Variants in GNG7 observed in about 807,000 individuals in gnomAD.
The protein encoded by GNG7 is guanine nucleotide-binding protein G(I)/G(S)/G(O) subunit gamma-7.
GNG7 carries 1 observed loss-of-function variant against 4.0 expected under a neutral mutation model. The ratio of observed to expected loss-of-function variants is 0.25; its 90% CI spans 0.09 to 1.18. The LOEUF is 1.18. Among genes scored for constraint, GNG7 ranks in the 50% most tolerant of loss-of-function variants. The pLI is 0.50. For missense variants in GNG7, 86 were observed against 91.9 expected (o/e 0.94, Z 0.26); for synonymous variants, 34 against 36.9 (o/e 0.92, Z 0.29).
At chr19:2,568,176 T>TAC (rs1371794062) in intron 2 of GNG7, among the ~76,000 whole-genome samples, 1 of 141,366 alleles carries the variant, frequency 7.1e-6, no homozygotes, top group East Asian at 2.1e-4. Context: ...TACACACACA[T>TAC]ACACACATGC....
At chr19:2,642,522 C>T (rs1263194103) in intron 2 of GNG7, 3 of 351,232 alleles carry the variant, frequency 8.5e-6, no homozygotes, top group Non-Finnish European at 1.7e-5. Flanking sequence ...TGCACCACCA[C>T]GCCTGGCTAA....
intron 1 of GNG7, among the ~76,000 whole-genome samples, chr19:2,658,150 T>A (rs906598981): frequency 3.3e-5 from 5 of 151,984 alleles, no homozygotes; most frequent in African/African-American, 1.2e-4. Context: ...ATTTCTACGA[T>A]CTCTCGTCTC....
At position 2,649,996 on chromosome 19, in the gene GNG7, G is replaced by A. The variant is rs534742839; in HGVS notation, c.-134-3716C>T. On this transcript the variant is annotated intron_variant, in intron 1 of 4. Transcript: ENST00000382159. ...TCTGGTGTCTCTCACTGAGTGTGAC[G>A]TCCTCAAGGTGCATCCATGCTGTGA... Among the ~76,000 whole-genome samples the A allele has an allele frequency of 1.8e-3, 268 of 152,024 alleles. 1 individual carries two copies. Among genetic ancestry groups the A allele is most frequent in the Admixed American group, 5.3e-3 (81 of 15,254 alleles).
At chr19:2,562,814 A>G (rs1012013347) in intron 2 of GNG7, among the ~76,000 whole-genome samples, 1 of 151,860 alleles carries the variant, frequency 6.6e-6, no homozygotes, top group Non-Finnish European at 1.5e-5. Flanking sequence ...TGAAATCCAC[A>G]CTCTGAGTGG....
At chr19:2,670,136 C>T (rs1216098865) in intron 1 of GNG7, among the ~76,000 whole-genome samples, 1 of 152,186 alleles carries the variant, frequency 6.6e-6, no homozygotes, top group Non-Finnish European at 1.5e-5. Flanking sequence ...GTCTCTCTCT[C>T]TCTCTGAGTG....
In GNG7 at chr19:2,546,014, C is replaced by T. The variant is rs1568238184; in HGVS notation, c.-38+9135G>A. On this transcript the variant is annotated intron_variant, in intron 3 of 4. Transcript: ENST00000382159. The surrounding 1 kb of genome is among the most constrained non-coding windows in gnomAD (Gnocchi z 6.3). ...GAAAAAGAAAGGTGCACACAGCTTC[C>T]AGAGCGGACACAGGGCATCAGGGTG... Among the ~76,000 whole-genome samples, 1 of 152,128 alleles carries T rather than the reference C, an allele frequency of 6.6e-6. No homozygotes were observed. Among genetic ancestry groups the T allele is most frequent in the Non-Finnish European group, 1.5e-5 (1 of 68,010 alleles).
chr19:2,674,453 T>A (rs561923049), intron 1 of GNG7, among the ~76,000 whole-genome samples: 45 of 149,700 alleles, frequency 3.0e-4, no homozygotes, highest in African/African-American at 8.4e-4. Flanking sequence ...TGTTTTTTTT[T>A]GAGACAGAGT....
At chr19:2,572,597 CTT>C (rs372886442) in intron 2 of GNG7, among the ~76,000 whole-genome samples, 144 of 132,798 alleles carry the variant, frequency 1.1e-3, no homozygotes, top group Non-Finnish European at 1.6e-3. Context: ...GCGCCCGGCC[CTT>C]TTTTTTTTTT....
At position 2,532,641 on chromosome 19, in the gene GNG7, C is replaced by G. The variant is rs185090538; in HGVS notation, c.-37-11916G>C. 1.2e-3 allele frequency among the ~76,000 whole-genome samples: 175 copies of G among 152,148 alleles called. 3 individuals carry two copies. The highest frequency in any genetic ancestry group is 4.1e-3 in the African/African-American group (171 of 41,502). On this transcript the variant is annotated intron_variant, in intron 3 of 4. Transcript: ENST00000382159. ...ATTTCAGAATCCCTAGAACCTCAGGCAAAAGAAATGTCCTAAAAAGTGGCA... is the reference window on the plus strand; with the variant it reads ...ATTTCAGAATCCCTAGAACCTCAGGGAAAAGAAATGTCCTAAAAAGTGGCA...
chr19:2,615,873 G>A (rs1370030567), intron 2 of GNG7, among the ~76,000 whole-genome samples: 1 of 152,212 alleles, frequency 6.6e-6, no homozygotes, highest in African/African-American at 2.4e-5. Flanking sequence ...GGTTCCCTAA[G>A]ATTGTGCACC....
At chr19:2,639,693 GCA>G (rs1982433374) in intron 2 of GNG7, among the ~76,000 whole-genome samples, 1 of 11,666 alleles carries the variant, frequency 8.6e-5, no homozygotes, top group Admixed American at 7.6e-4. Context: ...AGGGAGGGAG[GCA>G]GGGAGTGGGG....
At chr19:2,564,003 G>A (rs905264561) in intron 2 of GNG7, among the ~76,000 whole-genome samples, 1 of 152,108 alleles carries the variant, frequency 6.6e-6, no homozygotes, top group Non-Finnish European at 1.5e-5. Context: ...GAAACAGCAG[G>A]GAAAAATCAA....
chr19:2,682,066 C>A (rs555207906), intron 1 of GNG7, among the ~76,000 whole-genome samples: 1 of 152,072 alleles, frequency 6.6e-6, no homozygotes, highest in Non-Finnish European at 1.5e-5. Context: ...CGCGCCACCA[C>A]GCCCGGCTAA....
intron 3 of GNG7, among the ~76,000 whole-genome samples, chr19:2,550,198 T>A (rs964047622): frequency 2.6e-5 from 4 of 152,142 alleles, no homozygotes; most frequent in African/African-American, 9.7e-5. Context: ...CACTCTCTCA[T>A]CCAGCCCCCG....
chr19:2,682,440 G>A (rs1011105480), intron 1 of GNG7, among the ~76,000 whole-genome samples: 13 of 150,674 alleles, frequency 8.6e-5, no homozygotes, highest in South Asian at 2.1e-4. Flanking sequence ...CAAGGCGGGC[G>A]GATCACGAGG....
chr19:2,696,644 G>T (rs1207707598), intron 1 of GNG7, among the ~76,000 whole-genome samples: 1 of 152,236 alleles, frequency 6.6e-6, no homozygotes, highest in African/African-American at 2.4e-5. Context: ...AAGGGTCGAG[G>T]CTCTGACGCA....
chr19:2,531,122 A>G (rs1978568035), intron 3 of GNG7, among the ~76,000 whole-genome samples: 1 of 152,092 alleles, frequency 6.6e-6, no homozygotes, highest in South Asian at 2.1e-4. Flanking sequence ...CCTGGTCAAC[A>G]TGGTGAAACC....
intron 2 of GNG7, among the ~76,000 whole-genome samples, chr19:2,635,862 TG>T (rs1982293934): frequency 6.6e-6 from 1 of 151,924 alleles, no homozygotes; most frequent in South Asian, 2.1e-4. Flanking sequence ...GGATTACAGG[TG>T]TGAGCCACCG....
chr19:2,613,934 G>T (rs950263882), intron 2 of GNG7, among the ~76,000 whole-genome samples: 1 of 152,188 alleles, frequency 6.6e-6, no homozygotes, highest in African/African-American at 2.4e-5. Flanking sequence ...TGAGAAAGGT[G>T]CGAATCAGAC....
Sources: allele counts gnomAD v4.1 joint callset (sites outside exome capture counted in the v4.1 genomes callset), GRCh38; gene constraint gnomAD v4.1.1; non-coding constraint Gnocchi (gnomAD v3.1); transcripts MANE v1.5; gene names NCBI Gene and HGNC (gene_info 2026-07-23, HGNC 2026-07-21).